Variants in JUP observed in about 807,000 individuals in gnomAD.
JUP encodes the protein catenin (cadherin-associated protein), gamma 80kDa.
A neutral mutation model predicts 71.1 loss-of-function variants in JUP; 28 were observed. That is an observed-to-expected ratio of 0.39 (90% CI 0.29 to 0.54). The LOEUF (loss-of-function observed/expected upper bound fraction) is 0.54, where lower values mean the gene tolerates loss of function less well. JUP is among the 20% of genes least tolerant of loss of function. JUP has a pLI of 0.62. For synonymous variants in JUP, 401 were observed against 438.9 expected (o/e 0.91, Z 1.08); for missense variants, 869 against 1,030.1 (o/e 0.84, Z 2.14).
rs782188536 is a variant in JUP, at chr17:41,763,263, T to C, written c.1217A>G (p.Asn406Ser). ...TGTGCCCGTGGCACAGGTGAGGACG[T>C]TGACGTCATCCACACTCAGCTGATT... The part of the protein sequence containing the change: ...LVNQLSVDDV[N>S]VLTCATGTLS... The change falls in exon 8 of 14, where the codon AAC (asparagine) becomes AGC (serine). Residue 406 changes from asparagine to serine, a missense_variant. Asn to Ser is a conservative substitution (Grantham distance 46, BLOSUM62 1). Coordinates refer to ENST00000393931, the MANE Select transcript of JUP (RefSeq NM_002230.4). The C allele has an allele frequency of 4.3e-6, 7 of 1,614,202 alleles. No homozygotes were observed. Among genetic ancestry groups the C allele is most frequent in the South Asian group, 2.2e-5 (2 of 91,090 alleles).
chr17:41,770,174 G>A (rs978552089), intron 2 of JUP, among the ~76,000 whole-genome samples: 4 of 152,058 alleles, frequency 2.6e-5, no homozygotes, highest in African/African-American at 9.7e-5. Flanking sequence ...CATCCCCAAC[G>A]GTAGCAATCC....
rs7405731 is a variant in JUP, at chr17:41,769,673, A to T, written c.213T>A (p.Asp71Glu). Residue 71 changes from aspartate to glutamate, a missense_variant, in exon 3 of 14, where the codon GAT becomes GAA. By Grantham distance (45) the Asp-to-Glu change is conservative. Coordinates refer to ENST00000393931, the MANE Select transcript of JUP (RefSeq NM_002230.4). The part of the protein sequence containing the change: ...YTQGVPPSQG[D>E]LEYQMSTTAR... ...CTGTTGTGGACATCTGGTACTCCAGATCACCTGGGGGCCATGGGGACAGGG... is the reference window on the plus strand; with the variant it reads ...CTGTTGTGGACATCTGGTACTCCAGTTCACCTGGGGGCCATGGGGACAGGG... The T allele has an allele frequency of 3.7e-6, 6 of 1,607,208 alleles. No homozygotes were observed. The South Asian group carries it at 5.6e-5, about 15-fold the overall frequency.
At position 41,767,769 on chromosome 17, in the gene JUP, C is replaced by G. The variant is rs75855114; in HGVS notation, c.708-189G>C. On this transcript the variant is annotated intron_variant, in intron 4 of 13. Transcript: ENST00000393931. ...CTTAAGCATGAAGCAAACAGCACCT[C>G]TCTTCTCCCAACTGGGACAATGACT... Among the ~76,000 whole-genome samples, 1,391 of 152,354 alleles carry G rather than the reference C, an allele frequency of 9.1e-3. 16 individuals are homozygous for G. Among genetic ancestry groups the G allele is most frequent in the African/African-American group, 0.032 (1,345 of 41,570 alleles).
At chr17:41,759,767 C>T (rs1349821696) in intron 8 of JUP, among the ~76,000 whole-genome samples, 2 of 152,040 alleles carry the variant, frequency 1.3e-5, no homozygotes, top group Middle Eastern at 3.2e-3. Context: ...GAGATGGGGA[C>T]GTGAGCACAG....
Position 41,755,090 on chromosome 17 carries a change from G to A in JUP, c.*654C>T, listed in dbSNP as rs1201422620. ...GCAGTTGGTCGGTGGAGTTCAGTGA[G>A]AAAATCAGACCCAGAGAAGGAACCA... is the stretch of plus-strand genomic sequence containing the variant. On this transcript the variant is annotated 3_prime_UTR_variant, in exon 14 of 14. Transcript: ENST00000393931. 2.5e-6 allele frequency: 1 copy of A among 393,714 alleles called. No homozygotes were observed. Among genetic ancestry groups the A allele is most frequent in the Non-Finnish European group, 4.5e-6 (1 of 223,340 alleles). 24.4% of individuals were successfully genotyped at this position (393,714 alleles called of 1,614,324 possible).
Position 41,758,874 on chromosome 17 carries a change from G to T in JUP, c.1498-4C>A. ...TCCTGATCAAGCCGATGGTTGCCTG[G>T]CAAAAAAAGGGGCAGTGATCAGGGG... On this transcript the variant is annotated splice_region_variant and splice_polypyrimidine_tract_variant and intron_variant, in intron 8 of 13. Coordinates refer to ENST00000393931, the MANE Select transcript of JUP (RefSeq NM_002230.4). 6.2e-7 allele frequency: 1 copy of T among 1,600,764 alleles called. No homozygotes were observed. The highest frequency in any genetic ancestry group is 1.3e-5 in the African/African-American group (1 of 74,432).
chr17:41,773,519 C>G (rs1916976216), intron 1 of JUP, among the ~76,000 whole-genome samples: 1 of 152,326 alleles, frequency 6.6e-6, no homozygotes, highest in Admixed American at 6.5e-5. Flanking sequence ...CCCCAGACGA[C>G]AGGCTCGGGC....
Position 41,776,452 on chromosome 17 carries a change from G to A in JUP, c.-8-4590C>T, listed in dbSNP as rs1285024581. Among the ~76,000 whole-genome samples, 6 of 152,312 alleles carry A rather than the reference G, an allele frequency of 3.9e-5. No individual in the cohort carries two copies. The South Asian group carries it at 8.3e-4, about 21-fold the overall frequency. On this transcript the variant is annotated intron_variant, in intron 1 of 13. Coordinates refer to ENST00000393931, the MANE Select transcript of JUP (RefSeq NM_002230.4). ...CGGAAGCCAGCTGGCGCAGTGGCTC[G>A]TGCCTATAATCCCAGCATTTTGGAA...
chr17:41,772,956 T>G (rs1916889877), intron 1 of JUP: 1 of 985,524 alleles, frequency 1.0e-6, no homozygotes, highest in African/African-American at 1.7e-5. Flanking sequence ...CGTGATCCCA[T>G]GAGGGCCTAC....
At chr17:41,770,745 G>A (rs1349591046) in intron 2 of JUP, among the ~76,000 whole-genome samples, 2 of 152,214 alleles carry the variant, frequency 1.3e-5, no homozygotes, top group African/African-American at 4.8e-5. Context: ...GGCTGGCGGG[G>A]CATCCCCATC....
chr17:41,784,959 C>T (rs1468572792), intron 1 of JUP: 3 of 151,380 alleles, frequency 2.0e-5, no homozygotes, highest in African/African-American at 7.4e-5. Flanking sequence ...TGATCAAGAT[C>T]CCCAATTCTG....
intron 1 of JUP, among the ~76,000 whole-genome samples, chr17:41,777,449 C>T (rs949375785): frequency 1.3e-5 from 2 of 152,218 alleles, no homozygotes; most frequent in Non-Finnish European, 2.9e-5. Flanking sequence ...ATGATGGCTT[C>T]CCTTGAGGGC....
At chr17:41,771,204 G>T (rs782360872) in intron 2 of JUP, among the ~76,000 whole-genome samples, 99 of 152,220 alleles carry the variant, frequency 6.5e-4, no homozygotes, top group Non-Finnish European at 4.6e-4. Flanking sequence ...GCTAATTTTT[G>T]TATTTTTAGT....
chr17:41,769,009 A>C lies in JUP; in HGVS notation c.667T>G (p.Phe223Val). 2 of 1,610,480 alleles carry C rather than the reference A, an allele frequency of 1.2e-6. No homozygotes were observed. The highest frequency in any genetic ancestry group is 1.7e-4 in the Middle Eastern group (1 of 6,060). Residue 223 changes from phenylalanine (F) to valine (V), a missense_variant, in exon 4 of 14, where the codon TTC (phenylalanine) becomes GTC (valine). Transcript: ENST00000393931. ...AGAGCAGGGATGCCACCCGACTTGA[A>C]GATGGCGAGCAGCCCCTCCCGGTGG... ...SHHREGLLAI[F>V]KSGGIPALVR...
intron 1 of JUP, chr17:41,784,895 A>G (rs2047372450): frequency 6.6e-6 from 1 of 151,960 alleles, no homozygotes; most frequent in Non-Finnish European, 1.5e-5. Context: ...TGGGCTCCAA[A>G]TCCTGCAAAA....
At chr17:41,764,534 G>GGGAA (rs60346985) in intron 7 of JUP, among the ~76,000 whole-genome samples, 179 bp downstream of exon 7, 1 of 83,910 alleles carries the variant, frequency 1.2e-5, no homozygotes, top group Non-Finnish European at 2.1e-5. Context: ...GACTCCGTCA[G>GGGAA]AAAAAAAAAA....
chr17:41,767,252 T>A (rs535922837), intron 5 of JUP, 127 bp downstream of exon 5: 1 of 739,928 alleles, frequency 1.4e-6, no homozygotes, highest in African/African-American at 1.8e-5. Flanking sequence ...AGTCGCATGA[T>A]GAAGCATGTA....
intron 13 of JUP, 109 bp downstream of exon 13, chr17:41,756,066 G>A: frequency 1.5e-6 from 2 of 1,342,946 alleles, no homozygotes; most frequent in Non-Finnish European, 2.1e-6. Context: ...ATGCCACACA[G>A]CAGTTGCCAC....
intron 4 of JUP, among the ~76,000 whole-genome samples, 167 bp downstream of exon 4, chr17:41,768,800 ATG>A (rs1555605006): frequency 6.6e-6 from 1 of 152,156 alleles, no homozygotes; most frequent in Non-Finnish European, 1.5e-5. Context: ...TGCTGTTTAC[ATG>A]CCTGTGTTCC....
Sources: gnomAD v4.1 joint callset for allele counts (sites outside exome capture counted in the v4.1 genomes callset) on GRCh38, gnomAD v4.1.1 for gene constraint, MANE v1.5 for transcripts, NCBI Gene and HGNC (gene_info 2026-07-23, HGNC 2026-07-21) for gene names.